The following OR6C2 variants were observed in gnomAD, a reference collection of about 807,000 sequenced individuals.
OR6C2 encodes olfactory receptor 6C2.
For missense variants in OR6C2, 435 were observed against 365.8 expected (o/e 1.19, Z -1.54); for synonymous variants, 146 against 134.2 (o/e 1.09, Z -0.61).
Position 55,453,281 on chromosome 12 carries a change from T to G in OR6C2, c.*129T>G. 3.1e-6 allele frequency: 2 copies of G among 642,290 alleles called. No individual in the cohort carries two copies. The highest frequency in any genetic ancestry group is 4.1e-5 in the South Asian group (2 of 48,448). The allele number at this position is 642,290 out of a possible 1,614,324, so 39.8% of individuals were successfully genotyped here. ...GAACCTTCTCAATGACATTTAATAT[T>G]GCATCCTAATCCCATCTTTATCAAA... On this transcript the variant is annotated 3_prime_UTR_variant, in exon 2 of 2. Coordinates refer to ENST00000641202, the MANE Select transcript of OR6C2 (RefSeq NM_054105.2).
Position 55,452,096 on chromosome 12 carries a change from AAGT to A in OR6C2, c.-115_-113del. 1.7e-6 allele frequency: 1 copy of A among 592,558 alleles called. No homozygotes were observed. The highest frequency in any genetic ancestry group is 2.9e-6 in the Non-Finnish European group (1 of 341,708). The allele number at this position is 592,558 out of a possible 1,614,324, so 36.7% of individuals were successfully genotyped here. A position where few individuals can be genotyped will look rare whatever the true frequency, so the allele number is the denominator to read the frequency against. ...ATTATTCTATAAAGGGAGAAAATAA[AAGT>A]AGGCTGGTCAGCTTGGCTTCTAGAT... On this transcript the variant is annotated 5_prime_UTR_variant, in exon 2 of 2. Transcript: ENST00000641202.
At chr12:55,448,583 A>G (rs1445714549) in intron 1 of OR6C2, among the ~76,000 whole-genome samples, 1 of 140,512 alleles carries the variant, frequency 7.1e-6, no homozygotes, top group African/African-American at 2.6e-5. Flanking sequence ...AAGACCTAAA[A>G]CTAAACTTTT....
intron 1 of OR6C2, among the ~76,000 whole-genome samples, chr12:55,449,610 G>A (rs1871429482): frequency 6.6e-6 from 1 of 151,542 alleles, no homozygotes; most frequent in South Asian, 2.1e-4. Flanking sequence ...GAAAAGAAAT[G>A]AATCTTTAGA....
At chr12:55,447,941 T>C (rs977759966) in intron 1 of OR6C2, among the ~76,000 whole-genome samples, 13 of 152,106 alleles carry the variant, frequency 8.5e-5, no homozygotes. Context: ...CTACACCATT[T>C]TACATTTCTA....
Position 55,453,176 on chromosome 12 carries a change from G to C in OR6C2, c.*24G>C. 2 of 1,554,052 alleles carry C rather than the reference G, an allele frequency of 1.3e-6. No individual in the cohort carries two copies. Among genetic ancestry groups the C allele is most frequent in the South Asian group, 1.1e-5 (1 of 87,270 alleles). Reference sequence around the variant, plus strand: ...AGAAGCTGTGATGAATTGGCATAAAGTGAATGAAGAAGGCTCCCTAAATGT... The same window carrying C: ...AGAAGCTGTGATGAATTGGCATAAACTGAATGAAGAAGGCTCCCTAAATGT... On this transcript the variant is annotated 3_prime_UTR_variant, in exon 2 of 2. Coordinates refer to ENST00000641202, the MANE Select transcript of OR6C2 (RefSeq NM_054105.2).
At chr12:55,448,530 G>A (rs1254579240) in intron 1 of OR6C2, among the ~76,000 whole-genome samples, 3 of 145,800 alleles carry the variant, frequency 2.1e-5, no homozygotes, top group Non-Finnish European at 4.5e-5. Context: ...CCTCCTGAGG[G>A]GTAATAGAAT....
chr12:55,452,410 T>C lies in OR6C2; in HGVS notation c.197T>C (p.Phe66Ser). The C allele has an allele frequency of 6.2e-7, 1 of 1,613,546 alleles. No homozygotes were observed. Residue 66 changes from phenylalanine (F) to serine (S), a missense_variant, in exon 2 of 2, where the codon TTC (phenylalanine) becomes TCC (serine). Phe to Ser is a radical substitution (Grantham distance 155, BLOSUM62 -2). Coordinates refer to ENST00000641202, the MANE Select transcript of OR6C2 (RefSeq NM_054105.2). ...PMYFFLRNFS[F>S]LEVSFTTVCI... The stretch of plus-strand genomic sequence containing the variant: ...TACTTCTTTCTCAGAAATTTTTCCT[T>C]CTTAGAAGTCTCATTTACTACAGTC...
At chr12:55,450,752 G>A (rs908992785) in intron 1 of OR6C2, among the ~76,000 whole-genome samples, 17 of 152,012 alleles carry the variant, frequency 1.1e-4, no homozygotes, top group Admixed American at 9.2e-4. Context: ...TTCACAGATG[G>A]AGAAAGAGGA....
chr12:55,447,847 A>G (rs1279409521), intron 1 of OR6C2, among the ~76,000 whole-genome samples: 1 of 152,132 alleles, frequency 6.6e-6, no homozygotes, highest in East Asian at 1.9e-4. Context: ...TTTTGCATAT[A>G]TACCAACAGG....
chr12:55,453,181 T>C lies in OR6C2; in HGVS notation c.*29T>C, dbSNP rs143382713. ...CTGTGATGAATTGGCATAAAGTGAA[T>C]GAAGAAGGCTCCCTAAATGTCATCC... On this transcript the variant is annotated 3_prime_UTR_variant, in exon 2 of 2. Transcript: ENST00000641202. 1.4e-3 allele frequency: 2,098 copies of C among 1,506,066 alleles called. 20 individuals are homozygous for C. The African/African-American group carries it at 0.025, about 18-fold the overall frequency. The allele number at this position is 1,506,066 out of a possible 1,614,324, so 93.3% of individuals were successfully genotyped here. A position where few individuals can be genotyped will look rare whatever the true frequency, so the allele number is the denominator to read the frequency against.
Position 55,451,390 on chromosome 12 carries a change from C to G in OR6C2, c.-824C>G, listed in dbSNP as rs1213732578. ...TTCAACTGATTTGATTTTCAGATGT[C>G]ACGAATAAGTGAGAACATACGATGT... On this transcript the variant is annotated 5_prime_UTR_variant, in exon 2 of 2. It introduces an in-frame stop codon into an upstream open reading frame of the 5' UTR. Transcript: ENST00000641202. 1 of 151,724 alleles carries G rather than the reference C, an allele frequency of 6.6e-6. No homozygotes were observed. Among genetic ancestry groups the G allele is most frequent in the Non-Finnish European group, 1.5e-5 (1 of 67,942 alleles). The allele number at this position is 151,724 out of a possible 1,614,324, so 9.4% of individuals were successfully genotyped here.
At chr12:55,447,097 G>C (rs539137298) in intron 1 of OR6C2, among the ~76,000 whole-genome samples, 2 of 152,276 alleles carry the variant, frequency 1.3e-5, no homozygotes, top group East Asian at 3.9e-4. Flanking sequence ...TGCAGAATGT[G>C]CTGCAGCCTG....
At chr12:55,445,925 G>A (rs544681323) in intron 1 of OR6C2, among the ~76,000 whole-genome samples, 7 of 152,058 alleles carry the variant, frequency 4.6e-5, no homozygotes, top group Non-Finnish European at 7.4e-5. Flanking sequence ...ATCCACTAGG[G>A]CCTAACCTCA....
Position 55,452,966 on chromosome 12 carries a change from A to T in OR6C2, c.753A>T (p.Gly251=). The T allele has an allele frequency of 6.2e-7, 1 of 1,613,720 alleles. No individual in the cohort carries two copies. The highest frequency in any genetic ancestry group is 8.5e-7 in the Non-Finnish European group (1 of 1,179,766). ...TGATTGTGGTTTCCATTGCCTATGGAAGCTGCATCTTCATCTATATCAAGC... is the reference window on the plus strand; with the variant it reads ...TGATTGTGGTTTCCATTGCCTATGGTAGCTGCATCTTCATCTATATCAAGC... ...SHMIVVSIAY[G]SCIFIYIKPS... The change falls in exon 2 of 2, where the codon GGA becomes GGT. Residue 251 remains glycine (G), a synonymous_variant. Transcript: ENST00000641202.
At position 55,453,136 on chromosome 12, in the gene OR6C2, T is replaced by C; in HGVS notation, c.923T>C (p.Phe308Ser). Residue 308 changes from phenylalanine (F) to serine (S), a missense_variant, in exon 2 of 2, where the codon TTT (phenylalanine) becomes TCT (serine). Coordinates refer to ENST00000641202, the MANE Select transcript of OR6C2 (RefSeq NM_054105.2). The stretch of plus-strand genomic sequence containing the variant: ...AGTGACTCTATAAAGAGGATTGCAT[T>C]TCTCTCAAAGAAGTAGAAGCTGTGA... Reference protein sequence around the residue: ...AFSDSIKRIAFLSKK With the variant: ...AFSDSIKRIASLSKK 1 of 1,611,054 alleles carries C rather than the reference T, an allele frequency of 6.2e-7. No individual in the cohort carries two copies. Among genetic ancestry groups the C allele is most frequent in the Non-Finnish European group, 8.5e-7 (1 of 1,178,378 alleles).
Position 55,451,846 on chromosome 12 carries a change from G to T in OR6C2, c.-368G>T, listed in dbSNP as rs890575096. 2 of 177,114 alleles carry T rather than the reference G, an allele frequency of 1.1e-5. No homozygotes were observed. Among genetic ancestry groups the T allele is most frequent in the African/African-American group, 4.7e-5 (2 of 42,248 alleles). The allele number at this position is 177,114 out of a possible 1,614,324, so 11.0% of individuals were successfully genotyped here. On this transcript the variant is annotated 5_prime_UTR_variant, in exon 2 of 2. Coordinates refer to ENST00000641202, the MANE Select transcript of OR6C2 (RefSeq NM_054105.2). ...TATCCTATATTCAGAGTTTGTCCTG[G>T]ACAAAAAATGTTTAAGTACCTATAA...
chr12:55,452,662 G>C lies in OR6C2; in HGVS notation c.449G>C (p.Gly150Ala). The C allele has an allele frequency of 6.2e-7, 1 of 1,613,748 alleles. No individual in the cohort carries two copies. Among genetic ancestry groups the C allele is most frequent in the Non-Finnish European group, 8.5e-7 (1 of 1,179,818 alleles). The change falls in exon 2 of 2, where the codon GGC becomes GCC. Residue 150 changes from glycine to alanine, a missense_variant. Physicochemically the swap from Gly to Ala is moderately conservative, Grantham distance 60. Transcript: ENST00000641202. Reference protein sequence around the residue: ...TLLVLCCWVAGLMIIVPPLSL... With the variant: ...TLLVLCCWVAALMIIVPPLSL... ...TTAGTTCTCTGCTGTTGGGTGGCTG[G>C]CTTGATGATCATTGTTCCACCACTT...
chr12:55,452,174 G>T lies in OR6C2; in HGVS notation c.-40G>T. ...AAATATCTACCCCCTCATAAACCGT[G>T]ATTTTTAAAGGAGGATTGGGTAGAT... On this transcript the variant is annotated 5_prime_UTR_variant, in exon 2 of 2. Coordinates refer to ENST00000641202, the MANE Select transcript of OR6C2 (RefSeq NM_054105.2). 7.4e-7 allele frequency: 1 copy of T among 1,346,324 alleles called. No homozygotes were observed. Among genetic ancestry groups the T allele is most frequent in the Non-Finnish European group, 1.0e-6 (1 of 982,094 alleles). The allele number at this position is 1,346,324 out of a possible 1,614,324, so 83.4% of individuals were successfully genotyped here. A position where few individuals can be genotyped will look rare whatever the true frequency, so the allele number is the denominator to read the frequency against.
rs1340486558 is a variant in OR6C2 at position 55,448,665 on chromosome 12, A to AAAAAAAAAAAAAG, written c.-887-2659_-887-2658insAAAAAAAAAGAAA. ...CTGCAAAAAAAAAAAAAAAAGAAAG[A>AAAAAAAAAAAAAG]AAAGAAAAGAAAAAAGAAATATACT... On this transcript the variant is annotated intron_variant, in intron 1 of 1. Coordinates refer to ENST00000641202, the MANE Select transcript of OR6C2 (RefSeq NM_054105.2). Among the ~76,000 whole-genome samples the AAAAAAAAAAAAAG allele has an allele frequency of 2.0e-5, 3 of 147,010 alleles. No individual in the cohort carries two copies. The East Asian group carries it at 6.3e-4, about 31-fold the overall frequency.
Sources: gnomAD v4.1 joint callset for allele counts (sites outside exome capture counted in the v4.1 genomes callset) on GRCh38, gnomAD v4.1.1 for gene constraint, MANE v1.5 for transcripts, NCBI Gene and HGNC (gene_info 2026-07-23, HGNC 2026-07-21) for gene names.